CCDC178: variants seen among roughly 807,000 people sequenced by gnomAD.
CCDC178 encodes the protein coiled-coil domain-containing protein 178.
In CCDC178, 126 loss-of-function variants were observed where a neutral mutation model predicts 117.4. The ratio of observed to expected loss-of-function variants is 1.07; its 90% CI spans 0.93 to 1.24. The LOEUF (loss-of-function observed/expected upper bound fraction) is 1.24. CCDC178 is among the 50% of genes most tolerant of loss of function. The pLI is 0.00. For synonymous variants in CCDC178, 283 were observed against 313.4 expected (o/e 0.90, Z 1.02); for missense variants, 1,030 against 986.9 (o/e 1.04, Z -0.59).
chr18:33,091,444 C>A (rs1248317060), intron 21 of CCDC178, among the ~76,000 whole-genome samples: 1 of 141,076 alleles, frequency 7.1e-6, no homozygotes, highest in Admixed American at 7.5e-5. Context: ...TCAAGTCGTT[C>A]TTTTGCCTCA....
chr18:33,341,438 G>C (rs866940696), intron 9 of CCDC178, among the ~76,000 whole-genome samples: 2 of 152,168 alleles, frequency 1.3e-5, no homozygotes, highest in South Asian at 2.1e-4. Flanking sequence ...GGGAAGGCAT[G>C]ACTGGTTTTG....
At chr18:32,988,551 C>A in intron 21 of CCDC178, among the ~76,000 whole-genome samples, 1 of 151,842 alleles carries the variant, frequency 6.6e-6, no homozygotes. Flanking sequence ...GTCTTTTATG[C>A]TTATATTAGA....
At chr18:33,394,943 GTATATATATATATATA>G (rs61298209) in intron 4 of CCDC178, among the ~76,000 whole-genome samples, 51 of 61,506 alleles carry the variant, frequency 8.3e-4, no homozygotes, top group East Asian at 2.9e-3. Context: ...ATATGTATGT[GTATATATATATATATA>G]TATATATATA....
chr18:33,185,811 A>C (rs1274490769), intron 20 of CCDC178, among the ~76,000 whole-genome samples: 1 of 152,078 alleles, frequency 6.6e-6, no homozygotes, highest in African/African-American at 2.4e-5. Context: ...TTACATAGAA[A>C]GTATCATCTT....
chr18:33,418,591 C>A (rs2063979979), intron 2 of CCDC178, among the ~76,000 whole-genome samples: 1 of 151,350 alleles, frequency 6.6e-6, no homozygotes, highest in African/African-American at 2.4e-5. Flanking sequence ...AAAAAAAAAA[C>A]CGATAGTCTC....
At chr18:33,362,664 G>A (rs928846465) in intron 6 of CCDC178, among the ~76,000 whole-genome samples, 11 of 152,030 alleles carry the variant, frequency 7.2e-5, no homozygotes, top group Non-Finnish European at 1.5e-4. Context: ...ATATGTGTCT[G>A]TCTGTATGTA....
At chr18:33,165,296 A>G (rs1261037583) in intron 20 of CCDC178, among the ~76,000 whole-genome samples, 1 of 152,178 alleles carries the variant, frequency 6.6e-6, no homozygotes, top group Non-Finnish European at 1.5e-5. Flanking sequence ...AGCCTGGACA[A>G]CAGAGCATTA....
At chr18:33,020,802 G>A in intron 21 of CCDC178, among the ~76,000 whole-genome samples, 1 of 151,950 alleles carries the variant, frequency 6.6e-6, no homozygotes, top group East Asian at 1.9e-4. Flanking sequence ...ACATGTCTAA[G>A]TTAATTCACG....
At chr18:33,033,073 G>A (rs949140868) in intron 21 of CCDC178, among the ~76,000 whole-genome samples, 1 of 152,022 alleles carries the variant, frequency 6.6e-6, no homozygotes, top group Non-Finnish European at 1.5e-5. Context: ...GCATTCTAAA[G>A]AAGTCCCATC....
At chr18:32,986,579 T>G (rs1282137521) in intron 21 of CCDC178, among the ~76,000 whole-genome samples, 1 of 152,068 alleles carries the variant, frequency 6.6e-6, no homozygotes, top group Admixed American at 6.6e-5. Context: ...TTAGATAAAC[T>G]GAAACTGAGA....
chr18:33,159,267 T>C (rs946348589), intron 20 of CCDC178, among the ~76,000 whole-genome samples: 4 of 152,066 alleles, frequency 2.6e-5, no homozygotes, highest in Non-Finnish European at 5.9e-5. Flanking sequence ...TCTAGAAAAT[T>C]ACTGGGAGGA....
At chr18:33,221,939 C>T (rs2059239901) in intron 18 of CCDC178, among the ~76,000 whole-genome samples, 1 of 151,906 alleles carries the variant, frequency 6.6e-6, no homozygotes, top group Non-Finnish European at 1.5e-5. Flanking sequence ...TTTAAGTTAT[C>T]TTTTGGAATA....
chr18:32,958,284 T>C lies in CCDC178; in HGVS notation c.2523+16263A>G, dbSNP rs552131856. 66 of 433,608 alleles carry C rather than the reference T, an allele frequency of 1.5e-4. No individual in the cohort carries two copies. The South Asian group carries it at 2.2e-3, about 14-fold the overall frequency. 26.9% of individuals were successfully genotyped at this position (433,608 alleles called of 1,614,324 possible). A position where few individuals can be genotyped will look rare whatever the true frequency, so the allele number is the denominator to read the frequency against. On this transcript the variant is annotated intron_variant, in intron 22 of 22. Transcript: ENST00000383096. The stretch of plus-strand genomic sequence containing the variant: ...TTATTGAGTTTGTGGCAAAAAATGC[T>C]CTTGCAAGTTTTCATTTCTGTGAAG...
At chr18:32,956,903 G>A (rs2054607207) in intron 22 of CCDC178, 1 of 152,204 alleles carries the variant, frequency 6.6e-6, no homozygotes, top group South Asian at 2.1e-4. Context: ...GGGGAGGCAG[G>A]AGAAAACATT....
intron 20 of CCDC178, among the ~76,000 whole-genome samples, chr18:33,154,782 A>T (rs1253528115): frequency 6.6e-6 from 1 of 152,172 alleles, no homozygotes; most frequent in Non-Finnish European, 1.5e-5. Context: ...GCATTAAGAC[A>T]TGGAATATTA....
intron 14 of CCDC178, among the ~76,000 whole-genome samples, chr18:33,254,226 G>A (rs148551246): frequency 6.8e-6 from 1 of 147,484 alleles, no homozygotes; most frequent in African/African-American, 2.5e-5. Context: ...CATTCATTAT[G>A]TCATTTATTC....
intron 21 of CCDC178, among the ~76,000 whole-genome samples, chr18:33,089,709 A>C (rs1219273564): frequency 6.6e-6 from 1 of 152,242 alleles, no homozygotes; most frequent in Admixed American, 6.5e-5. Context: ...GTGCAGGCAC[A>C]AAGAATCTGG....
chr18:33,420,079 A>G (rs2064003448), intron 2 of CCDC178, among the ~76,000 whole-genome samples: 2 of 152,206 alleles, frequency 1.3e-5, no homozygotes, highest in African/African-American at 4.8e-5. Flanking sequence ...TAAAGAAAAC[A>G]TGGAATGTTT....
chr18:33,189,337 C>CA (rs35156421), intron 20 of CCDC178, among the ~76,000 whole-genome samples: 24,495 of 152,012 alleles, frequency 0.16, 2,747 homozygotes, highest in African/African-American at 0.32. Flanking sequence ...TATATGTGAA[C>CA]GATGACCAGT....
Sources: allele counts gnomAD v4.1 joint callset (sites outside exome capture counted in the v4.1 genomes callset), GRCh38; gene constraint gnomAD v4.1.1; transcripts MANE v1.5; gene names NCBI Gene and HGNC (gene_info 2026-07-23, HGNC 2026-07-21).